Variants in EPHB4 observed in about 807,000 individuals in gnomAD.
EPHB4 encodes EPH receptor B4.
EPHB4 carries 50 observed loss-of-function variants against 110.6 expected under a neutral mutation model. That is an observed-to-expected ratio of 0.45 (90% CI 0.36 to 0.57). EPHB4 has a LOEUF of 0.57. EPHB4 is among the 20% of genes least tolerant of loss of function. EPHB4 has a pLI of 0.00. For missense variants in EPHB4, 1,128 were observed against 1,382.1 expected (o/e 0.82, Z 2.91); for synonymous variants, 592 against 578.4 (o/e 1.02, Z -0.34).
chr7:100,810,616 A>C (rs1331880037), intron 12 of EPHB4, among the ~76,000 whole-genome samples: 1 of 151,446 alleles, frequency 6.6e-6, no homozygotes, highest in Non-Finnish European at 1.5e-5. Flanking sequence ...GGTGGTGTGC[A>C]CCTGTAGTTC....
At chr7:100,821,756 A>G (rs1453657244) in intron 4 of EPHB4, among the ~76,000 whole-genome samples, 2 of 151,944 alleles carry the variant, frequency 1.3e-5, no homozygotes, top group Admixed American at 6.5e-5. Flanking sequence ...GGCATGAACC[A>G]CTGTGTCAGG....
Position 100,823,800 on chromosome 7 carries a change from G to C in EPHB4, c.255C>G (p.His85Gln). The change falls in exon 3 of 17, where the codon CAC (histidine) becomes CAG (glutamine). Residue 85 changes from histidine to glutamine, a missense_variant. His to Gln is a conservative substitution (Grantham distance 24, BLOSUM62 0). Transcript: ENST00000358173. The part of the protein sequence containing the change: ...TGWVPRRGAV[H>Q]VYATLRFTML... The stretch of plus-strand genomic sequence containing the variant: ...TGGTGAAGCGCAGCGTGGCGTACAC[G>C]TGGACGGCGCCCCGCCGTGGGACCC... The C allele has an allele frequency of 6.2e-7, 1 of 1,613,338 alleles. No individual in the cohort carries two copies. The highest frequency in any genetic ancestry group is 8.5e-7 in the Non-Finnish European group (1 of 1,179,936).
chr7:100,822,219 C>G lies in EPHB4; in HGVS notation c.808+52G>C. On this transcript the variant is annotated intron_variant, in intron 4 of 16. Transcript: ENST00000358173. The surrounding 1 kb of genome is among the most constrained non-coding windows in gnomAD (Gnocchi z 4.7). ...TAAGAAGTGGGTCCTGAGTGGAGTT[C>G]AGGACTCTCCCCCGGATGAGCAGCA... 1 of 1,523,076 alleles carries G rather than the reference C, an allele frequency of 6.6e-7. No homozygotes were observed. The highest frequency in any genetic ancestry group is 2.5e-5 in the East Asian group (1 of 40,716). The allele number at this position is 1,523,076 out of a possible 1,614,324, so 94.3% of individuals were successfully genotyped here.
At position 100,823,849 on chromosome 7, in the gene EPHB4, T is replaced by C. The variant is rs750951336; in HGVS notation, c.206A>G (p.Gln69Arg). 6.2e-7 allele frequency: 1 copy of C among 1,612,920 alleles called. No homozygotes were observed. The highest frequency in any genetic ancestry group is 1.1e-5 in the South Asian group (1 of 91,024). ...CCAACCTGTGCGAAGCCAGTGGGCC[T>C]GGCCCGGGGCACGCTGCACGTCACA... ...EVCDVQRAPG[Q>R]AHWLRTGWVP... Residue 69 changes from glutamine (Q) to arginine (R), a missense_variant, in exon 3 of 17, where the codon CAG (glutamine) becomes CGG (arginine). Gln to Arg is a conservative substitution (Grantham distance 43). Around this residue, in one of 3 missense-constraint regions of EPHB4, gnomAD observed 728 missense variants for 828.6 expected, o/e 0.88. Transcript: ENST00000358173.
Position 100,820,045 on chromosome 7 carries a change from G to A in EPHB4, c.964+96C>T, listed in dbSNP as rs563585699. ...AGGGACAAGCATGCCAGGGACAAAG[G>A]GAAGAAGCCCAGGGAGGATGGGGGC... On this transcript the variant is annotated intron_variant, in intron 5 of 16. Coordinates refer to ENST00000358173, the MANE Select transcript of EPHB4 (RefSeq NM_004444.5). 6 of 1,535,598 alleles carry A rather than the reference G, an allele frequency of 3.9e-6. No individual in the cohort carries two copies. The Admixed American group carries it at 7.8e-5, about 20-fold the overall frequency.
intron 2 of EPHB4, 35 bp downstream of exon 2, chr7:100,824,168 C>T (rs779849583): frequency 5.0e-6 from 8 of 1,613,852 alleles, no homozygotes; most frequent in Non-Finnish European, 5.1e-6. Context: ...CCTCAGTTTC[C>T]CTCCAGAGCT....
At chr7:100,816,014 C>T (rs546510076) in intron 8 of EPHB4, among the ~76,000 whole-genome samples, 15 of 150,484 alleles carry the variant, frequency 1.0e-4, no homozygotes, top group African/African-American at 3.4e-4. Context: ...TTAGGCCGGG[C>T]GTGGTGGCTC....
intron 8 of EPHB4, among the ~76,000 whole-genome samples, chr7:100,815,285 T>C (rs1813041658): frequency 6.6e-6 from 1 of 152,042 alleles, no homozygotes; most frequent in African/African-American, 2.4e-5. Flanking sequence ...ATTGAACCAC[T>C]GCACTCCAGC....
chr7:100,811,689 C>A (rs2437102), intron 12 of EPHB4, among the ~76,000 whole-genome samples: 49,007 of 151,364 alleles, frequency 0.32, 8,560 homozygotes, highest in Non-Finnish European at 0.39. Context: ...GGCAACCTAT[C>A]GAGATCCTGT....
Position 100,823,856 on chromosome 7 carries a change from G to C in EPHB4, c.199C>G (p.Pro67Ala). ...GTGCGAAGCCAGTGGGCCTGGCCCG[G>C]GGCACGCTGCACGTCACACACTTCG... ...TYEVCDVQRA[P>A]GQAHWLRTGW... The change falls in exon 3 of 17, where the codon CCG becomes GCG. Residue 67 changes from proline (P) to alanine (A), a missense_variant. Pro to Ala is a conservative substitution (Grantham distance 27, BLOSUM62 -1). Transcript: ENST00000358173. 6.2e-7 allele frequency: 1 copy of C among 1,612,646 alleles called. No individual in the cohort carries two copies. Among genetic ancestry groups the C allele is most frequent in the Non-Finnish European group, 8.5e-7 (1 of 1,179,662 alleles).
chr7:100,814,884 GT>G (rs2116437541), intron 8 of EPHB4, among the ~76,000 whole-genome samples: 1 of 152,056 alleles, frequency 6.6e-6, no homozygotes, highest in African/African-American at 2.4e-5. Flanking sequence ...AAGCATGGTG[GT>G]GAGCACGTGT....
At chr7:100,820,464 C>CAAA in intron 4 of EPHB4, 168 bp from the exon 5 acceptor site, 9 of 423,406 alleles carry the variant, frequency 2.1e-5, no homozygotes, top group African/African-American at 2.6e-5. Context: ...GATCCCATCT[C>CAAA]CAAAAAAAAA....
At chr7:100,826,383 G>A (rs1322920177) in intron 1 of EPHB4, among the ~76,000 whole-genome samples, 4 of 152,148 alleles carry the variant, frequency 2.6e-5, no homozygotes, top group African/African-American at 7.2e-5. Flanking sequence ...AAGGGATGGG[G>A]TGCAGCCTGT....
At chr7:100,818,672 C>CT (rs1554419623) in intron 6 of EPHB4, 28 bp from the exon 7 acceptor site, 2 of 1,599,930 alleles carry the variant, frequency 1.3e-6, no homozygotes, top group Middle Eastern at 1.7e-4. Context: ...ACAGGGAACC[C>CT]TTGTGCATGG....
chr7:100,820,888 A>T, intron 4 of EPHB4: 1 of 150,758 alleles, frequency 6.6e-6, no homozygotes, highest in Non-Finnish European at 1.5e-5. Flanking sequence ...TTTTTTCCTG[A>T]GAAGGAGGCC....
chr7:100,827,183 G>A lies in EPHB4; in HGVS notation c.-153C>T, dbSNP rs946344057. On this transcript the variant is annotated 5_prime_UTR_variant, in exon 1 of 17. Transcript: ENST00000358173. Reference sequence around the variant, plus strand: ...GGCCCATGCGAGCGTGCGGGGCACCGGGCGGCGGCGCCAAGTGTGGCCCCG... The same window carrying A: ...GGCCCATGCGAGCGTGCGGGGCACCAGGCGGCGGCGCCAAGTGTGGCCCCG... 2.2e-4 allele frequency: 145 copies of A among 668,910 alleles called. No individual in the cohort carries two copies. Among genetic ancestry groups the A allele is most frequent in the Non-Finnish European group, 2.9e-4 (137 of 469,368 alleles). 41.4% of individuals were successfully genotyped at this position (668,910 alleles called of 1,614,324 possible). A position where few individuals can be genotyped will look rare whatever the true frequency, so the allele number is the denominator to read the frequency against.
chr7:100,805,656 CG>C lies in EPHB4; in HGVS notation c.2522del (p.Pro841ArgfsTer37). ...GGAGGGAGGTGGGACAGTCTGGGGGCGGGGGCAGCCGGTAGTCCTGTTCAAT... is the reference window on the plus strand; with the variant it reads ...GGAGGGAGGTGGGACAGTCTGGGGGCGGGGCAGCCGGTAGTCCTGTTCAAT... Reference protein sequence around the residue: ...NAIEQDYRLPPPPDCPTSLHQ... With the variant: ...NAIEQDYRLPXPPDCPTSLHQ... On this transcript the variant is annotated frameshift_variant, in exon 15 of 17. Coordinates refer to ENST00000358173, the MANE Select transcript of EPHB4 (RefSeq NM_004444.5). LOFTEE classifies it high-confidence loss of function. The C allele has an allele frequency of 6.6e-7, 1 of 1,525,114 alleles. No homozygotes were observed. Among genetic ancestry groups the C allele is most frequent in the South Asian group, 1.3e-5 (1 of 77,308 alleles). The allele number at this position is 1,525,114 out of a possible 1,614,324, so 94.5% of individuals were successfully genotyped here.
At chr7:100,807,337 T>C in intron 13 of EPHB4, 28 bp downstream of exon 13, 1 of 1,609,668 alleles carries the variant, frequency 6.2e-7, no homozygotes, top group Non-Finnish European at 8.5e-7. Flanking sequence ...CCTAAGAAGC[T>C]CACACCCAGT....
chr7:100,825,025 G>C (rs933406556), intron 1 of EPHB4: 1 of 151,588 alleles, frequency 6.6e-6, no homozygotes, highest in African/African-American at 2.4e-5. Context: ...GGAAGGGGGG[G>C]GATTAGGAAA....
Sources: allele counts gnomAD v4.1 joint callset (sites outside exome capture counted in the v4.1 genomes callset), GRCh38; gene constraint gnomAD v4.1.1; regional missense constraint gnomAD v4.1.1; non-coding constraint Gnocchi (gnomAD v3.1); transcripts MANE v1.5; gene names NCBI Gene and HGNC (gene_info 2026-07-23, HGNC 2026-07-21).